MEIS2: variants seen among roughly 807,000 people sequenced by gnomAD.
MEIS2 encodes Meis homeobox 2, also known as homeobox protein Meis2.
Under a neutral mutation model 58.6 loss-of-function variants are expected in MEIS2, and 9 were observed. That is an observed-to-expected ratio of 0.15 (90% CI 0.09 to 0.27). MEIS2 has a LOEUF of 0.27. Among genes scored for constraint, MEIS2 ranks in the 10% least tolerant of loss-of-function variants. The pLI is 1.00. For missense variants in MEIS2, 427 were observed against 635.0 expected (o/e 0.67, Z 3.52); for synonymous variants, 221 against 228.4 (o/e 0.97, Z 0.29).
At chr15:37,077,905 C>T (rs537808761) in intron 7 of MEIS2, among the ~76,000 whole-genome samples, 10 of 152,178 alleles carry the variant, frequency 6.6e-5, no homozygotes, top group African/African-American at 1.7e-4. Context: ...GCATCTAACA[C>T]GCCACCAGAG....
intron 7 of MEIS2, among the ~76,000 whole-genome samples, chr15:37,039,455 G>T (rs1338338158): frequency 6.6e-6 from 1 of 152,086 alleles, no homozygotes; most frequent in African/African-American, 2.4e-5. Flanking sequence ...ATTTTAAAAG[G>T]TTAATGGCTT....
chr15:36,995,176 G>A (rs1160578767), intron 8 of MEIS2, among the ~76,000 whole-genome samples: 2 of 152,132 alleles, frequency 1.3e-5, no homozygotes, highest in Non-Finnish European at 2.9e-5. Flanking sequence ...CCTGATATAT[G>A]GCTGAAGGGA....
chr15:37,022,634 A>G (rs2061563010), intron 8 of MEIS2, among the ~76,000 whole-genome samples: 1 of 151,840 alleles, frequency 6.6e-6, no homozygotes, highest in African/African-American at 2.4e-5. Context: ...CTTTTTATTC[A>G]CTTCATTGTT....
intron 7 of MEIS2, among the ~76,000 whole-genome samples, chr15:37,070,303 C>T (rs1290179464): frequency 6.6e-6 from 1 of 152,060 alleles, no homozygotes; most frequent in East Asian, 1.9e-4. Context: ...CCATGCTGAC[C>T]CACCTCTTAA....
At chr15:36,954,299 T>C (rs1050703146) in intron 8 of MEIS2, among the ~76,000 whole-genome samples, 9 of 151,406 alleles carry the variant, frequency 5.9e-5, no homozygotes, top group South Asian at 2.1e-4. Flanking sequence ...TCTATGCTTG[T>C]AGCGCAAAAA....
intron 8 of MEIS2, among the ~76,000 whole-genome samples, chr15:37,009,166 A>G (rs2049288): frequency 0.98 from 148,911 of 152,198 alleles, 72,921 homozygotes; most frequent in Middle Eastern, 1. Flanking sequence ...GCGGGCGCCT[A>G]TAGTCCCAGC....
intron 7 of MEIS2, among the ~76,000 whole-genome samples, chr15:37,068,841 C>T (rs774261520): frequency 2.6e-5 from 4 of 152,072 alleles, no homozygotes; most frequent in Admixed American, 6.5e-5. Flanking sequence ...GGTAGGAAGA[C>T]GTCCATGAAC....
intron 9 of MEIS2, among the ~76,000 whole-genome samples, chr15:36,927,156 C>A (rs909920611): frequency 6.6e-6 from 1 of 152,136 alleles, no homozygotes; most frequent in Non-Finnish European, 1.5e-5. Flanking sequence ...ATCTCAGCAA[C>A]TGGAGATTTT....
intron 8 of MEIS2, among the ~76,000 whole-genome samples, chr15:37,020,982 G>A (rs936728291): frequency 1.1e-4 from 16 of 152,118 alleles, no homozygotes; most frequent in African/African-American, 3.1e-4. Context: ...CAGAGGAAAT[G>A]TTATGCAGGG....
chr15:36,974,232 T>C (rs1328817667), intron 8 of MEIS2, among the ~76,000 whole-genome samples: 3 of 152,200 alleles, frequency 2.0e-5, no homozygotes, highest in South Asian at 2.1e-4. Flanking sequence ...CCAAACATCA[T>C]AGTGAAATTC....
chr15:36,894,618 A>C (rs1251879246), intron 11 of MEIS2: 1 of 904,676 alleles, frequency 1.1e-6, no homozygotes, highest in Non-Finnish European at 1.7e-6. Flanking sequence ...AAAGGCATGC[A>C]GTTATGGGCA....
At chr15:36,925,014 G>A (rs1466772879) in intron 9 of MEIS2, among the ~76,000 whole-genome samples, 1 of 152,066 alleles carries the variant, frequency 6.6e-6, no homozygotes, top group Non-Finnish European at 1.5e-5. Context: ...AAGACCGCCC[G>A]GGCAGCACAC....
chr15:37,083,698 T>C lies in MEIS2; in HGVS notation c.754+73A>G, dbSNP rs552549103. ...TCTCCTGTTTACATGGCGGCAGATG[T>C]ACTGATATCATAAAATACTGAAGTT... is the stretch of plus-strand genomic sequence containing the variant. On this transcript the variant is annotated intron_variant, in intron 7 of 11. Transcript: ENST00000561208. 33 of 1,250,296 alleles carry C rather than the reference T, an allele frequency of 2.6e-5. No homozygotes were observed. The African/African-American group carries it at 4.8e-4, about 18-fold the overall frequency. 77.5% of individuals were successfully genotyped at this position (1,250,296 alleles called of 1,614,324 possible).
chr15:37,098,995 G>C (rs1894752145), intron 1 of MEIS2: 1 of 983,622 alleles, frequency 1.0e-6, no homozygotes, highest in Non-Finnish European at 1.2e-6. Context: ...GCGGCGCAGC[G>C]GCTGCGGCAG....
At chr15:36,935,967 C>T (rs2058153603) in intron 9 of MEIS2, among the ~76,000 whole-genome samples, 1 of 152,214 alleles carries the variant, frequency 6.6e-6, no homozygotes, top group East Asian at 1.9e-4. Flanking sequence ...TCCCCATTAC[C>T]TGCAAATAAA....
chr15:36,976,799 A>C (rs2059774772), intron 8 of MEIS2, among the ~76,000 whole-genome samples: 2 of 152,150 alleles, frequency 1.3e-5, no homozygotes, highest in African/African-American at 4.8e-5. Flanking sequence ...AAAGAGGAGT[A>C]AAACACAATC....
At chr15:37,064,593 T>A (rs879691734) in intron 7 of MEIS2, among the ~76,000 whole-genome samples, 1 of 152,218 alleles carries the variant, frequency 6.6e-6, no homozygotes, top group Non-Finnish European at 1.5e-5. Flanking sequence ...TTGATTTTCA[T>A]TAGTCAAAAT....
At chr15:36,914,156 A>G (rs2057165882) in intron 9 of MEIS2, among the ~76,000 whole-genome samples, 1 of 152,200 alleles carries the variant, frequency 6.6e-6, no homozygotes, top group Admixed American at 6.5e-5. Context: ...ACTAGCCACC[A>G]ACAGTACTGA....
chr15:37,006,274 T>G (rs2060919331), intron 8 of MEIS2, among the ~76,000 whole-genome samples: 1 of 152,250 alleles, frequency 6.6e-6, no homozygotes, highest in South Asian at 2.1e-4. Flanking sequence ...TAAAGATAAT[T>G]AGCTATAAAT....
Sources: allele counts gnomAD v4.1 joint callset (sites outside exome capture counted in the v4.1 genomes callset), GRCh38; gene constraint gnomAD v4.1.1; transcripts MANE v1.5; gene names NCBI Gene and HGNC (gene_info 2026-07-23, HGNC 2026-07-21).